The following CCDC178 variants were observed in gnomAD, a reference collection of about 807,000 sequenced individuals.
CCDC178 encodes the protein coiled-coil domain-containing protein 178.
Under a neutral mutation model 117.4 loss-of-function variants are expected in CCDC178, and 126 were observed. The observed-to-expected ratio is 1.07, with a 90% CI of 0.93 to 1.24. The LOEUF is 1.24. Ranked by LOEUF, CCDC178 falls within the 50% of genes most tolerant of loss-of-function variation. CCDC178 has a pLI of 0.00. For synonymous variants in CCDC178, 283 were observed against 313.4 expected, an observed-to-expected ratio of 0.90 and a Z score of 1.02; for missense variants, 1,030 against 986.9, an observed-to-expected ratio of 1.04 and a Z score of -0.59.
chr18:33,062,416 C>G (rs560301416), intron 21 of CCDC178, among the ~76,000 whole-genome samples: 1 of 152,174 alleles, frequency 6.6e-6, no homozygotes, highest in Non-Finnish European at 1.5e-5. Context: ...GGTAACCATA[C>G]TATGAATAGA....
chr18:33,386,471 T>C (rs2063494049), intron 5 of CCDC178, among the ~76,000 whole-genome samples: 1 of 152,018 alleles, frequency 6.6e-6, no homozygotes, highest in Non-Finnish European at 1.5e-5. Flanking sequence ...TGCAAAAATC[T>C]CAATAAAATA....
intron 20 of CCDC178, among the ~76,000 whole-genome samples, chr18:33,157,077 T>A (rs958457975): frequency 1.3e-5 from 2 of 152,196 alleles, no homozygotes; most frequent in Non-Finnish European, 2.9e-5. Context: ...TTTCTTTGGT[T>A]TTAAACATGT....
At chr18:33,129,705 A>T (rs533561857) in intron 20 of CCDC178, among the ~76,000 whole-genome samples, 1 of 152,124 alleles carries the variant, frequency 6.6e-6, no homozygotes, top group South Asian at 2.1e-4. Flanking sequence ...ATAGACTTAT[A>T]TACTGGTTTT....
intron 2 of CCDC178, among the ~76,000 whole-genome samples, chr18:33,421,700 G>A (rs1245255118): frequency 6.6e-6 from 1 of 152,170 alleles, no homozygotes; most frequent in Non-Finnish European, 1.5e-5. Flanking sequence ...AATTACAGAT[G>A]TAATGGCTGA....
At position 33,267,219 on chromosome 18, in the gene CCDC178, T is replaced by C. The variant is rs2059830023; in HGVS notation, c.1255A>G (p.Asn419Asp). Residue 419 changes from asparagine to aspartate, a missense_variant, in exon 13 of 23, where the codon AAT becomes GAT. Coordinates refer to ENST00000383096, the MANE Select transcript of CCDC178 (RefSeq NM_001105528.4). ...SHENQYLEAV[N>D]DFYAAKKTWD... is the part of the protein sequence containing the mutation. Reference sequence around the variant, plus strand: ...CAACTTACTGCAGCATAAAAATCATTAACTGCTTCCAGATACTGATTTTCA... The same window carrying C: ...CAACTTACTGCAGCATAAAAATCATCAACTGCTTCCAGATACTGATTTTCA... The C allele has an allele frequency of 6.3e-7, 1 of 1,598,184 alleles. No individual in the cohort carries two copies. Among genetic ancestry groups the C allele is most frequent in the Non-Finnish European group, 8.5e-7 (1 of 1,175,396 alleles).
At chr18:33,376,569 T>C (rs2063369039) in intron 5 of CCDC178, among the ~76,000 whole-genome samples, 1 of 152,090 alleles carries the variant, frequency 6.6e-6, no homozygotes, top group African/African-American at 2.4e-5. Flanking sequence ...GCATAGTACA[T>C]AATGGTTAGT....
chr18:33,240,978 G>A (rs765232160), intron 15 of CCDC178, among the ~76,000 whole-genome samples: 23 of 151,640 alleles, frequency 1.5e-4, no homozygotes, highest in Admixed American at 8.6e-4. Flanking sequence ...ATCCAACAGC[G>A]CATCAAAAAG....
chr18:33,371,463 A>G (rs751139739), intron 5 of CCDC178, among the ~76,000 whole-genome samples: 3 of 152,082 alleles, frequency 2.0e-5, no homozygotes, highest in South Asian at 2.1e-4. Context: ...AATAAATTAT[A>G]TAACTTGTCT....
chr18:33,097,099 C>G (rs2057554605), intron 20 of CCDC178, among the ~76,000 whole-genome samples: 1 of 152,066 alleles, frequency 6.6e-6, no homozygotes, highest in Non-Finnish European at 1.5e-5. Flanking sequence ...TCCTTTGAAC[C>G]TGGGTAGACC....
chr18:32,982,872 G>A (rs1022650039), intron 21 of CCDC178, among the ~76,000 whole-genome samples: 2 of 152,088 alleles, frequency 1.3e-5, no homozygotes, highest in Non-Finnish European at 2.9e-5. Context: ...TATTTTGTAT[G>A]ATACCACAAT....
chr18:33,032,329 T>A (rs1203170338), intron 21 of CCDC178, among the ~76,000 whole-genome samples: 2 of 152,078 alleles, frequency 1.3e-5, no homozygotes, highest in African/African-American at 4.8e-5. Flanking sequence ...GCTCCCTTTT[T>A]CAAAGTCAGC....
At chr18:33,168,586 A>G (rs2058561394) in intron 20 of CCDC178, among the ~76,000 whole-genome samples, 1 of 152,242 alleles carries the variant, frequency 6.6e-6, no homozygotes, top group Non-Finnish European at 1.5e-5. Context: ...TAAAATCCAA[A>G]AACATGAAGT....
intron 20 of CCDC178, among the ~76,000 whole-genome samples, chr18:33,163,496 C>T (rs1218908566): frequency 6.6e-6 from 1 of 152,058 alleles, no homozygotes; most frequent in Non-Finnish European, 1.5e-5. Flanking sequence ...TCATTTTTCT[C>T]ATAAAATTAT....
chr18:33,254,571 T>C (rs1033522534), intron 14 of CCDC178, among the ~76,000 whole-genome samples: 1 of 151,946 alleles, frequency 6.6e-6, no homozygotes, highest in Admixed American at 6.6e-5. Context: ...AAGACAATAA[T>C]GGAAGAGGCA....
At chr18:33,145,866 T>C (rs2058261624) in intron 20 of CCDC178, among the ~76,000 whole-genome samples, 1 of 152,314 alleles carries the variant, frequency 6.6e-6, no homozygotes, top group South Asian at 2.1e-4. Flanking sequence ...ACCAGTGGAC[T>C]TCTGTGGATT....
At chr18:33,398,731 G>A (rs2063672424) in intron 3 of CCDC178, among the ~76,000 whole-genome samples, 1 of 152,016 alleles carries the variant, frequency 6.6e-6, no homozygotes, top group South Asian at 2.1e-4. Flanking sequence ...AGCATACCTC[G>A]GAGATATTGT....
intron 20 of CCDC178, among the ~76,000 whole-genome samples, chr18:33,121,309 T>C (rs1225597681): frequency 6.6e-6 from 1 of 152,110 alleles, no homozygotes; most frequent in Non-Finnish European, 1.5e-5. Context: ...CTGTGCCCAA[T>C]AGCTTCAGCT....
rs186387989 is a variant in CCDC178 at position 33,172,416 on chromosome 18, A to C, written c.2238+39480T>G. ...ATACGTAAAATGAATTTTTAAATGT[A>C]AAATATATAATATGCAAATTAAACA... On this transcript the variant is annotated intron_variant, in intron 20 of 22. Transcript: ENST00000383096. 5.9e-5 allele frequency among the ~76,000 whole-genome samples: 9 copies of C among 152,262 alleles called. No individual in the cohort carries two copies. In the East Asian group the frequency reaches 1.3e-3, roughly 23 times the overall value.
intron 2 of CCDC178, among the ~76,000 whole-genome samples, chr18:33,432,058 C>CCAGCTGCACT (rs2064226798): frequency 6.6e-6 from 1 of 152,132 alleles, no homozygotes; most frequent in African/African-American, 2.4e-5. Flanking sequence ...ATGAGAGCTC[C>CCAGCTGCACT]CAGCTGCACT....
Sources: gnomAD v4.1 joint callset for allele counts (sites outside exome capture counted in the v4.1 genomes callset) on GRCh38, gnomAD v4.1.1 for gene constraint, MANE v1.5 for transcripts, NCBI Gene and HGNC (gene_info 2026-07-23, HGNC 2026-07-21) for gene names.